The following PRKG1 variants were observed in gnomAD, a reference collection of about 807,000 sequenced individuals.
The protein encoded by PRKG1 is protein kinase cGMP-dependent 1, also known as cGMP-dependent protein kinase 1.
PRKG1 carries 35 observed loss-of-function variants against 88.1 expected under a neutral mutation model. The observed-to-expected ratio is 0.40, with a 90% CI of 0.30 to 0.53. The LOEUF (loss-of-function observed/expected upper bound fraction) is 0.53. Ranked by LOEUF, PRKG1 falls within the 20% of genes least tolerant of loss-of-function variation. The pLI, the probability that PRKG1 is intolerant of heterozygous loss-of-function variation, is 0.59. For missense variants in PRKG1, 540 were observed against 839.8 expected, an observed-to-expected ratio of 0.64 and a Z score of 4.41; for synonymous variants, 303 against 292.5, an observed-to-expected ratio of 1.04 and a Z score of -0.37.
intron 7 of PRKG1, among the ~76,000 whole-genome samples, chr10:52,107,512 C>T: frequency 6.6e-6 from 1 of 152,130 alleles, no homozygotes; most frequent in East Asian, 1.9e-4. Flanking sequence ...GTTCAACCTC[C>T]ACAATGTCTC....
At chr10:51,170,093 A>G (rs201879491) in intron 2 of PRKG1, among the ~76,000 whole-genome samples, 12 of 151,910 alleles carry the variant, frequency 7.9e-5, no homozygotes, top group Non-Finnish European at 1.8e-4. Context: ...GAAGTTCCTA[A>G]CAGCCTCTGT....
chr10:51,605,527 C>G (rs1838741153), intron 3 of PRKG1, among the ~76,000 whole-genome samples: 2 of 152,144 alleles, frequency 1.3e-5, no homozygotes, highest in Admixed American at 1.3e-4. Context: ...GAATAGGAGG[C>G]AGAGAAACAA....
At chr10:52,179,778 T>A (rs1372446793) in intron 9 of PRKG1, among the ~76,000 whole-genome samples, 1 of 152,198 alleles carries the variant, frequency 6.6e-6, no homozygotes, top group Non-Finnish European at 1.5e-5. Context: ...AACCTGCACC[T>A]CCTGGGTTCA....
rs1360470523 is a variant in PRKG1, at chr10:51,374,090, A to AT, written c.479-93633_479-93632insT. Among the ~76,000 whole-genome samples, 37 of 128,892 alleles carry AT rather than the reference A, an allele frequency of 2.9e-4. 1 individual carries two copies. Among genetic ancestry groups the AT allele is most frequent in the East Asian group, 1.3e-3 (6 of 4,620 alleles). The allele number at this position is 128,892 out of a possible 152,430, so 84.6% of individuals were successfully genotyped here. ...CTGGCTGGCAGAGGTTGCAAAAAAAAAAAATATATATATATATATATATGT... is the reference window on the plus strand; with the variant it reads ...CTGGCTGGCAGAGGTTGCAAAAAAAATAAAATATATATATATATATATATGT... On this transcript the variant is annotated intron_variant, in intron 2 of 17. Transcript: ENST00000373980.
intron 9 of PRKG1, among the ~76,000 whole-genome samples, chr10:52,248,044 G>C (rs556712238): frequency 1.3e-5 from 2 of 152,210 alleles, no homozygotes; most frequent in Non-Finnish European, 2.9e-5. Context: ...AAAGAAATAC[G>C]TTGGGCTAGT....
intron 3 of PRKG1, among the ~76,000 whole-genome samples, chr10:51,605,272 G>T (rs1295566448): frequency 2.0e-5 from 3 of 152,114 alleles, no homozygotes; most frequent in Admixed American, 6.6e-5. Context: ...GAGTAGTCTT[G>T]GAAAATGCAA....
chr10:51,751,722 C>T (rs1343594074), intron 3 of PRKG1, among the ~76,000 whole-genome samples: 1 of 152,068 alleles, frequency 6.6e-6, no homozygotes, highest in African/African-American at 2.4e-5. Flanking sequence ...CCTATGCTTT[C>T]CTTCATTGTA....
At chr10:52,289,284 A>T (rs1023525267) in intron 16 of PRKG1, among the ~76,000 whole-genome samples, 4 of 152,052 alleles carry the variant, frequency 2.6e-5, no homozygotes, top group Non-Finnish European at 5.9e-5. Flanking sequence ...AAATTTGGGG[A>T]TTCTATTCTC....
intron 2 of PRKG1, among the ~76,000 whole-genome samples, chr10:51,356,562 G>A (rs1029011610): frequency 6.6e-6 from 1 of 151,872 alleles, no homozygotes; most frequent in Non-Finnish European, 1.5e-5. Flanking sequence ...CTAGAATTCT[G>A]TCTCCCTCCC....
chr10:51,324,828 A>G (rs1841547751), intron 2 of PRKG1, among the ~76,000 whole-genome samples: 1 of 152,214 alleles, frequency 6.6e-6, no homozygotes, highest in African/African-American at 2.4e-5. Context: ...CCATATCTTG[A>G]CTATTGTGAA....
chr10:52,180,618 T>G (rs1328470116), intron 9 of PRKG1, among the ~76,000 whole-genome samples: 1 of 151,872 alleles, frequency 6.6e-6, no homozygotes, highest in Non-Finnish European at 1.5e-5. Context: ...AGCAGTGTAG[T>G]CTCCGTGTAG....
Position 51,703,813 on chromosome 10 carries a change from G to C in PRKG1, c.593-100772G>C, listed in dbSNP as rs148595717. ...AGTTTTCCAGGTAATTCTAATGCAAGCTCAATTTTGAGAACCACTACATTA... is the reference window on the plus strand; with the variant it reads ...AGTTTTCCAGGTAATTCTAATGCAACCTCAATTTTGAGAACCACTACATTA... On this transcript the variant is annotated intron_variant, in intron 3 of 17. Transcript: ENST00000373980. Among the ~76,000 whole-genome samples the C allele has an allele frequency of 4.6e-3, 695 of 152,232 alleles. 4 individuals are homozygous for C. The highest frequency in any genetic ancestry group is 0.017 in the Middle Eastern group (5 of 294).
intron 1 of PRKG1, among the ~76,000 whole-genome samples, chr10:51,094,184 A>G (rs1844467884): frequency 1.3e-5 from 2 of 152,038 alleles, no homozygotes; most frequent in Admixed American, 6.6e-5. Flanking sequence ...TAGGGCATAG[A>G]AAACACTTAT....
At chr10:51,183,054 A>T (rs1837389695) in intron 2 of PRKG1, among the ~76,000 whole-genome samples, 3 of 152,212 alleles carry the variant, frequency 2.0e-5, no homozygotes, top group Admixed American at 1.3e-4. Context: ...GTAAGAAAAA[A>T]AGACTAATAA....
intron 2 of PRKG1, among the ~76,000 whole-genome samples, chr10:51,232,059 G>T (rs150113843): frequency 6.6e-6 from 1 of 152,158 alleles, no homozygotes; most frequent in Non-Finnish European, 1.5e-5. Flanking sequence ...CTGACTGAAT[G>T]CTTTTCACTT....
intron 2 of PRKG1, among the ~76,000 whole-genome samples, chr10:51,445,326 C>A (rs913194205): frequency 6.6e-6 from 1 of 151,804 alleles, no homozygotes; most frequent in Non-Finnish European, 1.5e-5. Context: ...GTAATCATCA[C>A]AGGTGAAAAT....
At chr10:51,728,739 G>C (rs964197736) in intron 3 of PRKG1, among the ~76,000 whole-genome samples, 8 of 152,080 alleles carry the variant, frequency 5.3e-5, no homozygotes, top group Non-Finnish European at 1.0e-4. Context: ...GATGAGAAAG[G>C]AAACTTCCAG....
chr10:51,403,056 G>C (rs765381712), intron 2 of PRKG1, among the ~76,000 whole-genome samples: 1 of 152,142 alleles, frequency 6.6e-6, no homozygotes, highest in African/African-American at 2.4e-5. Flanking sequence ...AAACTCCGGT[G>C]AACCAAGAGA....
At chr10:51,010,783 T>C (rs928731511) in intron 1 of PRKG1, among the ~76,000 whole-genome samples, 57 of 152,172 alleles carry the variant, frequency 3.7e-4, no homozygotes, top group Non-Finnish European at 4.4e-5. Flanking sequence ...AGTGACTCAG[T>C]TTTCCAAAGT....
Sources: allele counts gnomAD v4.1 joint callset (sites outside exome capture counted in the v4.1 genomes callset), GRCh38; gene constraint gnomAD v4.1.1; transcripts MANE v1.5; gene names NCBI Gene and HGNC (gene_info 2026-07-23, HGNC 2026-07-21).